Variants in OTOGL observed in about 807,000 individuals in gnomAD.
OTOGL encodes otogelin like.
A neutral mutation model predicts 318.5 loss-of-function variants in OTOGL; 285 were observed. The ratio of observed to expected loss-of-function variants is 0.89; its 90% CI spans 0.81 to 0.99. The LOEUF (loss-of-function observed/expected upper bound fraction) is 0.99, where lower values mean the gene tolerates loss of function less well. OTOGL is among the 50% of genes least tolerant of loss of function. OTOGL has a pLI of 0.00. For missense variants in OTOGL, 2,899 were observed against 2,845.6 expected (o/e 1.02, Z -0.43); for synonymous variants, 987 against 936.5 (o/e 1.05, Z -0.99).
chr12:80,307,523 C>G (rs1427022655), intron 29 of OTOGL, among the ~76,000 whole-genome samples: 3 of 146,990 alleles, frequency 2.0e-5, no homozygotes, highest in Non-Finnish European at 4.5e-5. Context: ...CGGGCGGAGG[C>G]GCCCCTCACC....
chr12:80,206,313 C>T (rs1027538905), intron 1 of OTOGL, among the ~76,000 whole-genome samples: 2 of 152,044 alleles, frequency 1.3e-5, no homozygotes, highest in African/African-American at 2.4e-5. Flanking sequence ...TTTCATATAT[C>T]GAGTTCATAA....
At chr12:80,256,153 T>C (rs1330107759) in intron 16 of OTOGL, among the ~76,000 whole-genome samples, 184 bp from the exon 17 acceptor site, 5 of 152,208 alleles carry the variant, frequency 3.3e-5, no homozygotes, top group Non-Finnish European at 7.4e-5. Context: ...AGCTACTTTA[T>C]TACATTACTT....
intron 14 of OTOGL, 53 bp from the exon 15 acceptor site, chr12:80,254,471 A>G (rs775278634): frequency 3.4e-6 from 5 of 1,459,784 alleles, no homozygotes; most frequent in Non-Finnish European, 4.7e-6. Context: ...TGATGCAAAC[A>G]TTAATACAGT....
intron 37 of OTOGL, among the ~76,000 whole-genome samples, chr12:80,331,333 ATTTTTTTTTTT>A (rs386377119): frequency 4.9e-5 from 4 of 81,816 alleles, no homozygotes; most frequent in Admixed American, 1.8e-4. Context: ...AGTCATTAGA[ATTTTTTTTTTT>A]TTTTTTTTTT....
intron 1 of OTOGL, among the ~76,000 whole-genome samples, chr12:80,202,613 C>T (rs1379300684): frequency 6.6e-6 from 1 of 152,038 alleles, no homozygotes; most frequent in Non-Finnish European, 1.5e-5. Flanking sequence ...GGAAAATGTA[C>T]CTTTATTTTT....
At chr12:80,331,727 A>C (rs749942877) in intron 37 of OTOGL, among the ~76,000 whole-genome samples, 4 of 152,186 alleles carry the variant, frequency 2.6e-5, no homozygotes, top group African/African-American at 4.8e-5. Flanking sequence ...CCCAGAATTT[A>C]TGAATATATG....
At chr12:80,368,397 C>T in intron 55 of OTOGL, 88 bp downstream of exon 55, 1 of 789,646 alleles carries the variant, frequency 1.3e-6, no homozygotes, top group Non-Finnish European at 2.1e-6. Context: ...CCCCCACACA[C>T]ACTGCACTGC....
At chr12:80,249,318 G>C (rs1171905389) in intron 11 of OTOGL, among the ~76,000 whole-genome samples, 1 of 151,398 alleles carries the variant, frequency 6.6e-6, no homozygotes, top group African/African-American at 2.5e-5. Context: ...GGTCTTTGAT[G>C]ATGGTGATAT....
At chr12:80,308,872 C>T (rs1886429809) in intron 29 of OTOGL, among the ~76,000 whole-genome samples, 1 of 152,136 alleles carries the variant, frequency 6.6e-6, no homozygotes, top group Admixed American at 6.5e-5. Context: ...CAAGCTGAGG[C>T]AGGAGAATCA....
intron 13 of OTOGL, among the ~76,000 whole-genome samples, chr12:80,253,040 G>A (rs1881709147): frequency 6.6e-6 from 1 of 152,170 alleles, no homozygotes; most frequent in Non-Finnish European, 1.5e-5. Flanking sequence ...AGTAACAAAT[G>A]CAGTCGCATG....
intron 27 of OTOGL, 113 bp downstream of exon 27, chr12:80,297,074 T>G: frequency 4.8e-6 from 5 of 1,047,950 alleles, no homozygotes; most frequent in Non-Finnish European, 6.3e-6. Flanking sequence ...ATCTATGTTG[T>G]GTTTTGTTTT....
chr12:80,254,967 A>G lies in OTOGL; in HGVS notation c.1442-73A>G, dbSNP rs140252584. The G allele has an allele frequency of 4.7e-4, 561 of 1,196,322 alleles. 3 individuals carry two copies. The Middle Eastern group carries it at 6.1e-3, about 13-fold the overall frequency. 74.1% of individuals were successfully genotyped at this position (1,196,322 alleles called of 1,614,324 possible). On this transcript the variant is annotated intron_variant, in intron 15 of 58. Transcript: ENST00000547103. The stretch of plus-strand genomic sequence containing the variant: ...GCTTTTAAAGGATTAACCTAATGGT[A>G]TCATCCTCCTCTCTCTCCTCCTCTA...
intron 35 of OTOGL, 39 bp from the exon 36 acceptor site, chr12:80,328,615 TGTATTTCAAAC>T: frequency 1.5e-6 from 2 of 1,362,636 alleles, no homozygotes; most frequent in Non-Finnish European, 1.0e-6. Context: ...CTTTTTTTTT[TGTATTTCAAAC>T]TTTTCTTCAC....
At chr12:80,145,262 G>T (rs1012839894) in intron 1 of OTOGL, among the ~76,000 whole-genome samples, 26 of 151,710 alleles carry the variant, frequency 1.7e-4, no homozygotes, top group African/African-American at 5.1e-4. Context: ...TCCAGTATCA[G>T]CTTTCTACAT....
Position 80,320,561 on chromosome 12 carries a change from C to T in OTOGL, c.3942C>T (p.Gly1314=), listed in dbSNP as rs922221393. ...HRRATFFHHQ[G]LWIPGYSAFE... ...GAGCAACATTTTTCCACCATCAGGG[C>T]CTCTGGATTCCTGGTTACAGTGCAT... Residue 1314 remains glycine (G), a synonymous_variant, in exon 34 of 59, where the codon GGC becomes GGT. Transcript: ENST00000547103. 6.2e-7 allele frequency: 1 copy of T among 1,613,378 alleles called. No homozygotes were observed. Among genetic ancestry groups the T allele is most frequent in the Non-Finnish European group, 8.5e-7 (1 of 1,179,700 alleles).
intron 32 of OTOGL, among the ~76,000 whole-genome samples, chr12:80,315,503 G>T (rs116079435): frequency 0.013 from 1,989 of 152,172 alleles, 47 homozygotes; most frequent in African/African-American, 0.045. Flanking sequence ...TGAGGAAGGC[G>T]CAGGCCTCAA....
At chr12:80,106,213 G>A (rs1017826072) in intron 1 of OTOGL, among the ~76,000 whole-genome samples, 2 of 152,274 alleles carry the variant, frequency 1.3e-5, no homozygotes, top group South Asian at 2.1e-4. Flanking sequence ...AGGAAGATTC[G>A]TCAGCTCTTA....
intron 19 of OTOGL, 114 bp from the exon 20 acceptor site, chr12:80,264,887 C>G (rs909434826): frequency 1.8e-6 from 2 of 1,087,988 alleles, no homozygotes; most frequent in African/African-American, 1.6e-5. Context: ...ATTGTTCACT[C>G]TTGTATTAAA....
intron 44 of OTOGL, among the ~76,000 whole-genome samples, chr12:80,351,697 G>C (rs1322451959): frequency 1.3e-5 from 2 of 152,150 alleles, no homozygotes; most frequent in Non-Finnish European, 2.9e-5. Flanking sequence ...TACTTAGTAT[G>C]AGCCTGTTGA....
Sources: gnomAD v4.1 joint callset for allele counts (sites outside exome capture counted in the v4.1 genomes callset) on GRCh38, gnomAD v4.1.1 for gene constraint, MANE v1.5 for transcripts, NCBI Gene and HGNC (gene_info 2026-07-23, HGNC 2026-07-21) for gene names.